Variants in RBPJ observed in about 807,000 individuals in gnomAD.
RBPJ encodes recombination signal binding protein for immunoglobulin kappa J region.
Under a neutral mutation model 67.8 loss-of-function variants are expected in RBPJ, and 9 were observed. That is an observed-to-expected ratio of 0.13 (90% CI 0.08 to 0.23). RBPJ has a LOEUF of 0.23. Ranked by LOEUF, RBPJ falls within the 10% of genes least tolerant of loss-of-function variation. The pLI, the probability that RBPJ is intolerant of heterozygous loss-of-function variation, is 1.00. For synonymous variants in RBPJ, 198 were observed against 203.3 expected, an observed-to-expected ratio of 0.97 and a Z score of 0.22; for missense variants, 305 against 595.6, an observed-to-expected ratio of 0.51 and a Z score of 5.08.
At chr4:26,229,954 C>T (rs1417460259) in intron 1 of RBPJ, among the ~76,000 whole-genome samples, 2 of 152,024 alleles carry the variant, frequency 1.3e-5, no homozygotes, top group African/African-American at 2.4e-5. Context: ...TTTGGGAGGC[C>T]AAGGCGGGAA....
At chr4:26,112,777 T>G in the RBPJ span, 12 of 98,148 alleles carry the variant, frequency 1.2e-4, no homozygotes, top group South Asian at 2.2e-3. Flanking sequence ...TTTTTTTTTT[T>G]GCAGAGAGTT....
intron 1 of RBPJ, among the ~76,000 whole-genome samples, chr4:26,213,020 G>T (rs995929926): frequency 6.6e-6 from 1 of 152,100 alleles, no homozygotes; most frequent in Non-Finnish European, 1.5e-5. Context: ...TCCAGACCAC[G>T]TACTATGTGT....
At chr4:26,198,438 G>A (rs1179446554) in intron 1 of RBPJ, among the ~76,000 whole-genome samples, 1 of 152,044 alleles carries the variant, frequency 6.6e-6, no homozygotes, top group African/African-American at 2.4e-5. Context: ...GCACAAAATA[G>A]CAATAATAAT....
intron 1 of RBPJ, among the ~76,000 whole-genome samples, chr4:26,346,501 G>A (rs946015390): frequency 5.9e-5 from 9 of 152,116 alleles, no homozygotes; most frequent in Non-Finnish European, 1.0e-4. Flanking sequence ...AGATGGAGCC[G>A]CTATCTTGAA....
intron 1 of RBPJ, among the ~76,000 whole-genome samples, chr4:26,230,743 A>AT (rs1047425028): frequency 3.5e-4 from 53 of 151,906 alleles, no homozygotes; most frequent in Non-Finnish European, 5.7e-4. Flanking sequence ...GTTCTCTTCT[A>AT]TTTTTTTTCA....
chr4:26,159,184 C>A (rs753436931), upstream of RBPJ, among the ~76,000 whole-genome samples: 5 of 152,280 alleles, frequency 3.3e-5, no homozygotes, highest in East Asian at 1.9e-4. Context: ...ATATGCTAGA[C>A]ACTTTCATGT....
At chr4:26,159,371 G>A (rs1327975519), upstream of RBPJ, among the ~76,000 whole-genome samples, 2 of 152,114 alleles carry the variant, frequency 1.3e-5, no homozygotes, top group Non-Finnish European at 2.9e-5. Flanking sequence ...CAAGAAGAAT[G>A]GAGGAGAAGC....
At chr4:26,254,445 C>G (rs984938099) in intron 1 of RBPJ, among the ~76,000 whole-genome samples, 9 of 148,594 alleles carry the variant, frequency 6.1e-5, no homozygotes, top group Non-Finnish European at 1.3e-4. Flanking sequence ...TGTCCTCTTC[C>G]TAGAAGGTTC....
intron 1 of RBPJ, among the ~76,000 whole-genome samples, chr4:26,244,520 T>C (rs1377592353): frequency 2.9e-5 from 4 of 139,092 alleles, no homozygotes; most frequent in Non-Finnish European, 6.4e-5. Context: ...TACATATATG[T>C]GTATGCATAT....
chr4:26,225,555 C>T (rs753020566), intron 1 of RBPJ, among the ~76,000 whole-genome samples: 6 of 152,006 alleles, frequency 3.9e-5, no homozygotes, highest in Non-Finnish European at 8.8e-5. Context: ...TGTCAAAACC[C>T]ATAGAATATA....
intron 1 of RBPJ, among the ~76,000 whole-genome samples, chr4:26,285,451 A>G (rs1721432534): frequency 6.6e-6 from 1 of 152,086 alleles, no homozygotes; most frequent in Non-Finnish European, 1.5e-5. Context: ...AAGAACAACT[A>G]TCTACATCCG....
intron 1 of RBPJ, among the ~76,000 whole-genome samples, chr4:26,181,144 T>C (rs561789145): frequency 3.9e-5 from 6 of 152,210 alleles, no homozygotes; most frequent in Non-Finnish European, 8.8e-5. Context: ...GTCTCAGGTA[T>C]GTCTTTATTA....
intron 1 of RBPJ, among the ~76,000 whole-genome samples, chr4:26,255,633 T>A: frequency 6.7e-6 from 1 of 148,842 alleles, no homozygotes; most frequent in Non-Finnish European, 1.5e-5. Context: ...AAACCCCGTC[T>A]CTACTAAAAA....
intron 1 of RBPJ, among the ~76,000 whole-genome samples, chr4:26,386,090 G>A (rs942890047): frequency 1.3e-5 from 2 of 152,200 alleles, no homozygotes; most frequent in Non-Finnish European, 2.9e-5. Context: ...GTCTCTAAAA[G>A]ATACCTGTCC....
intron 1 of RBPJ, among the ~76,000 whole-genome samples, chr4:26,191,230 G>T (rs1202800632): frequency 2.1e-4 from 26 of 123,658 alleles, no homozygotes; most frequent in Admixed American, 1.2e-3. Flanking sequence ...GAGAGAGAGA[G>T]AGAGAGAGAG....
At chr4:26,151,667 C>T in the RBPJ span, among the ~76,000 whole-genome samples, 560 of 152,292 alleles carry the variant, frequency 3.7e-3, 6 homozygotes, top group African/African-American at 0.012. Flanking sequence ...CACCACCGGC[C>T]GATGACAGCC....
chr4:26,238,754 G>GT (rs1719534617), intron 1 of RBPJ, among the ~76,000 whole-genome samples: 1 of 152,164 alleles, frequency 6.6e-6, no homozygotes, highest in African/African-American at 2.4e-5. Context: ...CCCAGAAGTG[G>GT]TGGGGTCGCG....
intron 1 of RBPJ, among the ~76,000 whole-genome samples, chr4:26,169,694 A>G (rs537094000): frequency 1.3e-5 from 2 of 152,342 alleles, no homozygotes; most frequent in Admixed American, 6.5e-5. Flanking sequence ...CTACAGAGGC[A>G]GGCAGGCCTC....
At chr4:26,139,429 C>G in the RBPJ span, among the ~76,000 whole-genome samples, 1 of 152,240 alleles carries the variant, frequency 6.6e-6, no homozygotes, top group Non-Finnish European at 1.5e-5. Context: ...AAGGCTTCCC[C>G]TTTCTTTAAT....
Sources: allele counts gnomAD v4.1 joint callset (sites outside exome capture counted in the v4.1 genomes callset), GRCh38; gene constraint gnomAD v4.1.1; transcripts MANE v1.5; gene names NCBI Gene and HGNC (gene_info 2026-07-23, HGNC 2026-07-21).